PRKG1: variants seen among roughly 807,000 people sequenced by gnomAD.
PRKG1 encodes the protein cGMP-dependent protein kinase 1.
PRKG1 carries 35 observed loss-of-function variants against 88.1 expected under a neutral mutation model. The ratio of observed to expected loss-of-function variants is 0.40; its 90% CI spans 0.30 to 0.53. PRKG1 has a LOEUF of 0.53. PRKG1 is among the 20% of genes least tolerant of loss of function. The pLI, the probability that PRKG1 is intolerant of heterozygous loss-of-function variation, is 0.59. For synonymous variants in PRKG1, 303 were observed against 292.5 expected (o/e 1.04, Z -0.37); for missense variants, 540 against 839.8 (o/e 0.64, Z 4.41).
intron 1 of PRKG1, among the ~76,000 whole-genome samples, chr10:51,113,230 C>G (rs116936025): frequency 6.6e-6 from 1 of 152,320 alleles, no homozygotes; most frequent in Non-Finnish European, 1.5e-5. Context: ...AGTTAAGTGA[C>G]TAACTGAAAG....
intron 9 of PRKG1, among the ~76,000 whole-genome samples, chr10:52,215,463 A>G (rs1840087802): frequency 6.6e-6 from 1 of 152,122 alleles, no homozygotes; most frequent in Admixed American, 6.6e-5. Flanking sequence ...AAAGCGAGAT[A>G]TACAGGCATT....
At chr10:51,302,392 T>C (rs1840913706) in intron 2 of PRKG1, among the ~76,000 whole-genome samples, 1 of 152,182 alleles carries the variant, frequency 6.6e-6, no homozygotes, top group Non-Finnish European at 1.5e-5. Context: ...CTAGATTTTA[T>C]TCACTTGGCA....
At chr10:51,407,796 C>T (rs1701480151) in intron 2 of PRKG1, among the ~76,000 whole-genome samples, 1 of 152,172 alleles carries the variant, frequency 6.6e-6, no homozygotes, top group Admixed American at 6.5e-5. Flanking sequence ...TAATGGATCT[C>T]TTGTATTCCA....
chr10:51,279,179 A>C (rs1249285303), intron 2 of PRKG1, among the ~76,000 whole-genome samples: 2 of 152,200 alleles, frequency 1.3e-5, no homozygotes, highest in African/African-American at 4.8e-5. Context: ...GGCCTCAAAG[A>C]ACATCTTTAT....
At chr10:52,083,103 C>T (rs1037896084) in intron 7 of PRKG1, among the ~76,000 whole-genome samples, 1 of 152,012 alleles carries the variant, frequency 6.6e-6, no homozygotes, top group Non-Finnish European at 1.5e-5. Flanking sequence ...ATGACAGGCA[C>T]ACTGTCATTT....
At chr10:52,007,858 T>C (rs958091001) in intron 5 of PRKG1, among the ~76,000 whole-genome samples, 1 of 151,970 alleles carries the variant, frequency 6.6e-6, no homozygotes, top group African/African-American at 2.4e-5. Flanking sequence ...TCTAAAATGG[T>C]ACACACTCTA....
chr10:52,031,651 T>C (rs1418953775), intron 5 of PRKG1, among the ~76,000 whole-genome samples: 1 of 152,224 alleles, frequency 6.6e-6, no homozygotes, highest in Non-Finnish European at 1.5e-5. Context: ...TATTTGGTTA[T>C]GCGTTCTAAG....
At chr10:51,955,155 G>A (rs1434090941) in intron 5 of PRKG1, among the ~76,000 whole-genome samples, 2 of 152,044 alleles carry the variant, frequency 1.3e-5, no homozygotes, top group African/African-American at 4.8e-5. Flanking sequence ...TTGAAAAGCA[G>A]TATCCAGATT....
intron 5 of PRKG1, among the ~76,000 whole-genome samples, chr10:51,938,138 T>C (rs1164454195): frequency 1.3e-5 from 2 of 152,064 alleles, no homozygotes; most frequent in Non-Finnish European, 2.9e-5. Flanking sequence ...GTCATTCACC[T>C]CTCTTCATCT....
At chr10:51,176,059 C>T (rs1036874616) in intron 2 of PRKG1, among the ~76,000 whole-genome samples, 1 of 152,000 alleles carries the variant, frequency 6.6e-6, no homozygotes, top group Non-Finnish European at 1.5e-5. Flanking sequence ...TATTTGAAAG[C>T]CTATCATTTG....
intron 2 of PRKG1, among the ~76,000 whole-genome samples, chr10:51,365,005 T>C (rs1404432653): frequency 2.0e-5 from 3 of 151,978 alleles, no homozygotes; most frequent in African/African-American, 7.2e-5. Flanking sequence ...CTTTTCCTGC[T>C]GGGATGTATA....
chr10:51,936,489 G>C (rs1842802586), intron 5 of PRKG1, among the ~76,000 whole-genome samples: 1 of 152,018 alleles, frequency 6.6e-6, no homozygotes, highest in African/African-American at 2.4e-5. Flanking sequence ...TTTCGACAAG[G>C]GGCTAACTGG....
chr10:52,273,461 A>G (rs1841786156), intron 12 of PRKG1, among the ~76,000 whole-genome samples: 1 of 151,994 alleles, frequency 6.6e-6, no homozygotes, highest in Non-Finnish European at 1.5e-5. Flanking sequence ...GTATATAACC[A>G]TGTAATGTTT....
intron 2 of PRKG1, among the ~76,000 whole-genome samples, chr10:51,455,977 A>G (rs1838411): frequency 0.21 from 31,324 of 152,108 alleles, 3,477 homozygotes; most frequent in Admixed American, 0.32. Flanking sequence ...AATTCACTAT[A>G]TTAGTCTGTT....
chr10:51,140,068 G>A (rs10995838), intron 1 of PRKG1, among the ~76,000 whole-genome samples: 17,427 of 152,168 alleles, frequency 0.11, 1,200 homozygotes, highest in Admixed American at 0.15. Context: ...AAAATATTCT[G>A]TTCCTTCTGC....
intron 3 of PRKG1, among the ~76,000 whole-genome samples, chr10:51,693,928 AAAT>A (rs1405411304): frequency 6.6e-6 from 1 of 152,188 alleles, no homozygotes; most frequent in Non-Finnish European, 1.5e-5. Context: ...CATTTGAAAT[AAAT>A]ATATATAAGC....
intron 2 of PRKG1, among the ~76,000 whole-genome samples, chr10:51,307,399 G>T (rs902855270): frequency 3.3e-5 from 5 of 152,222 alleles, no homozygotes; most frequent in African/African-American, 1.2e-4. Context: ...GTGGCACCAG[G>T]ATTTGACTCC....
At chr10:51,392,105 G>T (rs556142138) in intron 2 of PRKG1, among the ~76,000 whole-genome samples, 7 of 151,724 alleles carry the variant, frequency 4.6e-5, no homozygotes, top group South Asian at 2.1e-4. Flanking sequence ...TAAATTCTTG[G>T]GTTCTATGAA....
intron 3 of PRKG1, among the ~76,000 whole-genome samples, chr10:51,770,263 C>T (rs1589272986): frequency 6.6e-6 from 1 of 152,188 alleles, no homozygotes; most frequent in South Asian, 2.1e-4. Context: ...AAACCACTAT[C>T]TGAACAGTAA....
Sources: gnomAD v4.1 joint callset for allele counts (sites outside exome capture counted in the v4.1 genomes callset) on GRCh38, gnomAD v4.1.1 for gene constraint, MANE v1.5 for transcripts, NCBI Gene and HGNC (gene_info 2026-07-23, HGNC 2026-07-21) for gene names.